The following SLC22A23 variants were observed in gnomAD, a reference collection of about 807,000 sequenced individuals.
The protein encoded by SLC22A23 is solute carrier family 22 member 23, also known as ion transporter protein.
A neutral mutation model predicts 61.0 loss-of-function variants in SLC22A23; 26 were observed. The observed-to-expected ratio is 0.43, with a 90% CI of 0.31 to 0.59. The LOEUF (loss-of-function observed/expected upper bound fraction) is 0.59, where lower values mean the gene tolerates loss of function less well. SLC22A23 is among the 20% of genes least tolerant of loss of function. The pLI, the probability that SLC22A23 is intolerant of heterozygous loss-of-function variation, is 0.11. For synonymous variants in SLC22A23, 430 were observed against 413.9 expected, an observed-to-expected ratio of 1.04 and a Z score of -0.47; for missense variants, 796 against 934.7, an observed-to-expected ratio of 0.85 and a Z score of 1.94.
At chr6:3,441,135 T>C (rs1771565972) in intron 1 of SLC22A23, among the ~76,000 whole-genome samples, 1 of 152,138 alleles carries the variant, frequency 6.6e-6, no homozygotes, top group South Asian at 2.1e-4. Context: ...GGTAGGACCA[T>C]GGGGCCTACC....
chr6:3,319,678 G>A (rs1762839067), intron 4 of SLC22A23, among the ~76,000 whole-genome samples: 1 of 152,180 alleles, frequency 6.6e-6, no homozygotes, highest in Admixed American at 6.5e-5. Context: ...TCCCCAGTCT[G>A]TAGGTTTGGG....
chr6:3,355,385 G>A (rs1239211874), intron 3 of SLC22A23, among the ~76,000 whole-genome samples: 1 of 152,018 alleles, frequency 6.6e-6, no homozygotes, highest in Non-Finnish European at 1.5e-5. Flanking sequence ...CATGCTGCTC[G>A]TGGGTTCGTC....
At chr6:3,384,693 G>T (rs1271295716) in intron 3 of SLC22A23, among the ~76,000 whole-genome samples, 2 of 152,164 alleles carry the variant, frequency 1.3e-5, no homozygotes, top group Admixed American at 1.3e-4. Context: ...AGCCTCCAAA[G>T]AACACAGTGA....
chr6:3,441,524 C>A (rs1012381345), intron 1 of SLC22A23, among the ~76,000 whole-genome samples: 1 of 152,154 alleles, frequency 6.6e-6, no homozygotes, highest in South Asian at 2.1e-4. Flanking sequence ...AAGAGGTCCT[C>A]TCTCAATCCT....
chr6:3,280,490 C>CT (rs1163139930), intron 9 of SLC22A23, among the ~76,000 whole-genome samples: 5,657 of 57,164 alleles, frequency 0.099, 710 homozygotes, highest in African/African-American at 0.23. Flanking sequence ...TAAGACACAA[C>CT]TTTTTTTTTT....
rs577576761 is a variant in SLC22A23 at position 3,324,342 on chromosome 6, G to A, written c.914-340C>T. ...CTTCCTCTGCTCTCCAGACGTCACT[G>A]AGCTTGCTGTCCAGCACGTTCCCCC... On this transcript the variant is annotated intron_variant, in intron 3 of 9. Transcript: ENST00000406686. This position sits in a 1 kb window ranked among gnomAD's most constrained non-coding sequence, Gnocchi z 4.3. Among the ~76,000 whole-genome samples, 3 of 152,278 alleles carry A rather than the reference G, an allele frequency of 2.0e-5. No homozygotes were observed. The highest frequency in any genetic ancestry group is 7.2e-5 in the African/African-American group (3 of 41,562).
chr6:3,382,453 G>C (rs1449962547), intron 3 of SLC22A23, among the ~76,000 whole-genome samples: 1 of 152,186 alleles, frequency 6.6e-6, no homozygotes, highest in Non-Finnish European at 1.5e-5. Flanking sequence ...GGCCTTATGA[G>C]GTATCACAAG....
At chr6:3,381,536 G>A (rs939039110) in intron 3 of SLC22A23, among the ~76,000 whole-genome samples, 2 of 152,172 alleles carry the variant, frequency 1.3e-5, no homozygotes, top group African/African-American at 4.8e-5. Flanking sequence ...CACAGCCACT[G>A]TGATAAACCA....
intron 1 of SLC22A23, among the ~76,000 whole-genome samples, chr6:3,431,279 C>A (rs1770847517): frequency 6.6e-6 from 1 of 152,194 alleles, no homozygotes; most frequent in Non-Finnish European, 1.5e-5. Context: ...ACTTAAAATG[C>A]AATGAAAATG....
rs1758408954 is a variant in SLC22A23, at chr6:3,270,476, A to G, written c.*2579T>C. On this transcript the variant is annotated 3_prime_UTR_variant, in exon 10 of 10. Transcript: ENST00000406686. The stretch of plus-strand genomic sequence containing the variant: ...TTGCTCAACAGCTTCAGGTATCCCT[A>G]GGCTGAAGCTGCCACCAAACAGGCA... 6.6e-6 allele frequency: 1 copy of G among 152,356 alleles called. No homozygotes were observed. Among genetic ancestry groups the G allele is most frequent in the Admixed American group, 6.5e-5 (1 of 15,290 alleles). 9.4% of individuals were successfully genotyped at this position (152,356 alleles called of 1,614,324 possible).
At chr6:3,395,766 T>C (rs1767965809) in intron 3 of SLC22A23, among the ~76,000 whole-genome samples, 1 of 152,194 alleles carries the variant, frequency 6.6e-6, no homozygotes, top group Non-Finnish European at 1.5e-5. Flanking sequence ...AATGCCAAAA[T>C]AGATTAAATA....
chr6:3,323,053 G>A (rs570620969), intron 4 of SLC22A23, among the ~76,000 whole-genome samples: 1 of 114,870 alleles, frequency 8.7e-6, no homozygotes, highest in East Asian at 2.4e-4. Flanking sequence ...ATTCCCTGGA[G>A]AGTTTTTTAA....
At chr6:3,363,510 C>T (rs553514065) in intron 3 of SLC22A23, among the ~76,000 whole-genome samples, 6 of 152,332 alleles carry the variant, frequency 3.9e-5, no homozygotes, top group African/African-American at 9.6e-5. Context: ...GTTTTGTCCC[C>T]GCCCATGGCC....
At chr6:3,403,733 G>C (rs1313688685) in intron 3 of SLC22A23, among the ~76,000 whole-genome samples, 1 of 152,184 alleles carries the variant, frequency 6.6e-6, no homozygotes, top group Non-Finnish European at 1.5e-5. Context: ...GGAGGCTAAT[G>C]GCTAAGAATT....
At chr6:3,284,367 G>C (rs150872981) in intron 8 of SLC22A23, among the ~76,000 whole-genome samples, 3 of 152,326 alleles carry the variant, frequency 2.0e-5, no homozygotes, top group Non-Finnish European at 4.4e-5. Flanking sequence ...AGCTGAGTCA[G>C]GGTTGATTTA....
intron 4 of SLC22A23, among the ~76,000 whole-genome samples, chr6:3,300,570 A>C (rs992904306): frequency 6.6e-6 from 1 of 152,084 alleles, no homozygotes; most frequent in Non-Finnish European, 1.5e-5. Flanking sequence ...TTAATCCTGG[A>C]CCTCTCAGCC....
chr6:3,294,938 A>G (rs375069231), intron 5 of SLC22A23, among the ~76,000 whole-genome samples: 14 of 152,214 alleles, frequency 9.2e-5, no homozygotes, highest in East Asian at 3.9e-4. Flanking sequence ...GCCCCACTGG[A>G]CCCCTACACG....
At chr6:3,379,024 G>C (rs562280219) in intron 3 of SLC22A23, among the ~76,000 whole-genome samples, 3 of 152,244 alleles carry the variant, frequency 2.0e-5, no homozygotes, top group East Asian at 3.9e-4. Flanking sequence ...TGCAGGTCAG[G>C]CAAAACCTGT....
At chr6:3,407,119 G>A (rs547327881) in intron 3 of SLC22A23, among the ~76,000 whole-genome samples, 85 of 152,326 alleles carry the variant, frequency 5.6e-4, no homozygotes, top group Non-Finnish European at 8.2e-4. Context: ...ATGGTTGGAG[G>A]AAGAAAAGAA....
Sources: allele counts gnomAD v4.1 joint callset (sites outside exome capture counted in the v4.1 genomes callset), GRCh38; gene constraint gnomAD v4.1.1; non-coding constraint Gnocchi (gnomAD v3.1); transcripts MANE v1.5; gene names NCBI Gene and HGNC (gene_info 2026-07-23, HGNC 2026-07-21).